PPP1R14C: variants seen among roughly 807,000 people sequenced by gnomAD.
PPP1R14C encodes protein phosphatase 1 regulatory inhibitor subunit 14C.
A neutral mutation model predicts 20.4 loss-of-function variants in PPP1R14C; 16 were observed. The observed-to-expected ratio is 0.78, with a 90% CI of 0.53 to 1.19. PPP1R14C has a LOEUF of 1.19. Ranked by LOEUF, PPP1R14C falls within the 50% of genes most tolerant of loss-of-function variation. PPP1R14C has a pLI of 0.00. For synonymous variants in PPP1R14C, 91 were observed against 91.0 expected, an observed-to-expected ratio of 1.00 and a Z score of 0.00; for missense variants, 211 against 220.1, an observed-to-expected ratio of 0.96 and a Z score of 0.26.
intron 1 of PPP1R14C, among the ~76,000 whole-genome samples, chr6:150,160,715 G>T (rs144521282): frequency 1.3e-5 from 2 of 151,896 alleles, no homozygotes; most frequent in African/African-American, 2.4e-5. Context: ...TATGGTTCAC[G>T]TATATTTATT....
chr6:150,213,030 A>G (rs1159444244), intron 1 of PPP1R14C, among the ~76,000 whole-genome samples: 3 of 152,244 alleles, frequency 2.0e-5, no homozygotes, highest in Non-Finnish European at 4.4e-5. Flanking sequence ...ATTAATAGCT[A>G]CATGATTGTT....
At chr6:150,174,303 T>A (rs1012246916) in intron 1 of PPP1R14C, among the ~76,000 whole-genome samples, 2 of 152,120 alleles carry the variant, frequency 1.3e-5, no homozygotes, top group African/African-American at 4.8e-5. Flanking sequence ...CACTGCAAGC[T>A]CTGCCTCCTG....
intron 3 of PPP1R14C, among the ~76,000 whole-genome samples, chr6:150,227,785 G>T (rs1473922690): frequency 6.6e-6 from 1 of 152,202 alleles, no homozygotes; most frequent in Non-Finnish European, 1.5e-5. Context: ...CTACATTTTA[G>T]TGGCTGTAGC....
chr6:150,231,183 G>A (rs763017682), intron 3 of PPP1R14C, among the ~76,000 whole-genome samples: 1 of 152,188 alleles, frequency 6.6e-6, no homozygotes, highest in Admixed American at 6.5e-5. Flanking sequence ...TTTCATGGCC[G>A]CTGCCGCATC....
intron 3 of PPP1R14C, among the ~76,000 whole-genome samples, chr6:150,234,732 C>T (rs1778336172): frequency 6.6e-6 from 1 of 151,448 alleles, no homozygotes; most frequent in Admixed American, 6.6e-5. Context: ...ACCTGTAGTC[C>T]CAGCTACTCA....
intron 1 of PPP1R14C, among the ~76,000 whole-genome samples, chr6:150,149,455 C>CTTTTTTTTTTTTTTTT (rs869244401): frequency 6.2e-4 from 22 of 35,472 alleles, no homozygotes; most frequent in Non-Finnish European, 7.4e-4. Context: ...TTTTTTTTTT[C>CTTTTTTTTTTTTTTTT]TTTTTTTTTT....
chr6:150,243,258 C>T (rs1404447815), intron 3 of PPP1R14C, among the ~76,000 whole-genome samples: 1 of 151,376 alleles, frequency 6.6e-6, no homozygotes, highest in Non-Finnish European at 1.5e-5. Flanking sequence ...TCACTGCAAC[C>T]TCCGCCTCCC....
rs9480070 is a variant in PPP1R14C, at chr6:150,249,957, G to A, written c.*1137G>A. 1,714 of 157,112 alleles carry A rather than the reference G, an allele frequency of 0.011. 29 individuals carry two copies. The highest frequency in any genetic ancestry group is 0.039 in the African/African-American group (1,634 of 41,768). The allele number at this position is 157,112 out of a possible 1,614,324, so 9.7% of individuals were successfully genotyped here. ...TCAATGGCTTGTGTTGAGGACTCTG[G>A]GTGCTCCTGGCCCTAATTGTGCACC... On this transcript the variant is annotated 3_prime_UTR_variant, in exon 4 of 4. Transcript: ENST00000361131.
chr6:150,206,315 C>T (rs567844957), intron 1 of PPP1R14C, among the ~76,000 whole-genome samples: 1 of 152,208 alleles, frequency 6.6e-6, no homozygotes, highest in African/African-American at 2.4e-5. Flanking sequence ...TCTGTCTTCC[C>T]CCATTAGAGT....
At chr6:150,212,499 G>A (rs376249113) in intron 1 of PPP1R14C, among the ~76,000 whole-genome samples, 1 of 152,190 alleles carries the variant, frequency 6.6e-6, no homozygotes, top group Non-Finnish European at 1.5e-5. Flanking sequence ...CTTGGCTGGC[G>A]TCAAAACTAT....
chr6:150,235,151 G>A (rs1021443042), intron 3 of PPP1R14C, among the ~76,000 whole-genome samples: 2 of 152,180 alleles, frequency 1.3e-5, no homozygotes, highest in African/African-American at 4.8e-5. Flanking sequence ...GCAGGAGCAC[G>A]ATCATAGCTC....
intron 1 of PPP1R14C, among the ~76,000 whole-genome samples, chr6:150,212,095 G>C (rs1449634050): frequency 5.9e-5 from 9 of 152,160 alleles, no homozygotes; most frequent in Admixed American, 5.9e-4. Flanking sequence ...CCCTTTGAGA[G>C]GGGAAGGGGC....
intron 3 of PPP1R14C, among the ~76,000 whole-genome samples, chr6:150,232,733 A>G (rs1366053110): frequency 6.6e-6 from 1 of 152,164 alleles, no homozygotes; most frequent in Non-Finnish European, 1.5e-5. Context: ...ATAAGTAGGG[A>G]CTACTTCTGG....
chr6:150,154,219 A>C (rs986485445), intron 1 of PPP1R14C, among the ~76,000 whole-genome samples: 14 of 152,252 alleles, frequency 9.2e-5, no homozygotes, highest in Non-Finnish European at 1.3e-4. Flanking sequence ...ATAGGAAGTC[A>C]GATCTTAAGT....
chr6:150,156,489 C>A (rs927602784), intron 1 of PPP1R14C, among the ~76,000 whole-genome samples: 2 of 152,184 alleles, frequency 1.3e-5, no homozygotes, highest in Non-Finnish European at 2.9e-5. Context: ...AAAGCCATTT[C>A]ATTCATTTCT....
At chr6:150,215,212 C>G (rs1222373578) in intron 2 of PPP1R14C, among the ~76,000 whole-genome samples, 1 of 152,196 alleles carries the variant, frequency 6.6e-6, no homozygotes, top group Non-Finnish European at 1.5e-5. Flanking sequence ...TCTGGTCTCA[C>G]AGTTGTGGAC....
At chr6:150,199,332 A>C (rs896179363) in intron 1 of PPP1R14C, among the ~76,000 whole-genome samples, 2 of 152,206 alleles carry the variant, frequency 1.3e-5, no homozygotes, top group African/African-American at 2.4e-5. Flanking sequence ...CTAAAATGAT[A>C]ATATTAAGAG....
chr6:150,149,501 T>C (rs1009194438), intron 1 of PPP1R14C, among the ~76,000 whole-genome samples: 15 of 143,332 alleles, frequency 1.0e-4, no homozygotes, highest in Non-Finnish European at 3.0e-5. Context: ...TTTCACTGTG[T>C]TGGCCAGGCT....
chr6:150,170,251 A>G (rs529138814), intron 1 of PPP1R14C, among the ~76,000 whole-genome samples: 1 of 152,342 alleles, frequency 6.6e-6, no homozygotes, highest in East Asian at 1.9e-4. Flanking sequence ...AGAAAGAATA[A>G]GAAAATATGG....
Sources: gnomAD v4.1 joint callset for allele counts (sites outside exome capture counted in the v4.1 genomes callset) on GRCh38, gnomAD v4.1.1 for gene constraint, MANE v1.5 for transcripts, NCBI Gene and HGNC (gene_info 2026-07-23, HGNC 2026-07-21) for gene names.